The following KCNJ6 variants were observed in gnomAD, a reference collection of about 807,000 sequenced individuals.
The protein encoded by KCNJ6 is G protein-activated inward rectifier potassium channel 2.
Under a neutral mutation model 34.2 loss-of-function variants are expected in KCNJ6, and 9 were observed. The ratio of observed to expected loss-of-function variants is 0.26; its 90% CI spans 0.16 to 0.46. The LOEUF is 0.46. Among genes scored for constraint, KCNJ6 ranks in the 20% least tolerant of loss-of-function variants. The pLI, the probability that KCNJ6 is intolerant of heterozygous loss-of-function variation, is 1.00. For missense variants in KCNJ6, 236 were observed against 531.3 expected (o/e 0.44, Z 5.46); for synonymous variants, 196 against 207.1 (o/e 0.95, Z 0.46).
At chr21:37,899,923 C>T (rs186444177) in intron 1 of KCNJ6, among the ~76,000 whole-genome samples, 7 of 152,306 alleles carry the variant, frequency 4.6e-5, no homozygotes, top group South Asian at 4.1e-4. Flanking sequence ...CTTTACAACT[C>T]GCCCAGTTCG....
chr21:37,868,133 G>A (rs2055632293), intron 1 of KCNJ6, among the ~76,000 whole-genome samples: 1 of 152,218 alleles, frequency 6.6e-6, no homozygotes, highest in Admixed American at 6.5e-5. Flanking sequence ...GTTGCCTCCA[G>A]CACTATGGGG....
intron 2 of KCNJ6, among the ~76,000 whole-genome samples, chr21:37,753,351 C>A (rs973446724): frequency 3.9e-5 from 6 of 152,306 alleles, no homozygotes; most frequent in African/African-American, 7.2e-5. Context: ...CATTTGAAGG[C>A]ATGTCTGCGT....
At chr21:37,674,014 A>G (rs2054553399) in intron 3 of KCNJ6, among the ~76,000 whole-genome samples, 1 of 152,166 alleles carries the variant, frequency 6.6e-6, no homozygotes, top group Non-Finnish European at 1.5e-5. Flanking sequence ...GCATATCCCA[A>G]CCATGTGAAG....
chr21:37,625,081 G>C lies in KCNJ6; in HGVS notation c.*78C>G, dbSNP rs764888021. The C allele has an allele frequency of 6.7e-6, 7 of 1,046,628 alleles. No individual in the cohort carries two copies. Among genetic ancestry groups the C allele is most frequent in the African/African-American group, 1.6e-5 (1 of 62,740 alleles). The allele number at this position is 1,046,628 out of a possible 1,614,324, so 64.8% of individuals were successfully genotyped here. The stretch of plus-strand genomic sequence containing the variant: ...AACAAATAAAGAACAAAGCAAGAGA[G>C]ACAGAAAAAGAAAGAGAATGAGAGA... On this transcript the variant is annotated 3_prime_UTR_variant, in exon 4 of 4. Coordinates refer to ENST00000609713, the MANE Select transcript of KCNJ6 (RefSeq NM_002240.5).
intron 2 of KCNJ6, among the ~76,000 whole-genome samples, chr21:37,755,954 G>T (rs1315825527): frequency 1.3e-5 from 2 of 152,234 alleles, no homozygotes; most frequent in East Asian, 3.8e-4. Context: ...GTCTTTATTC[G>T]GTGGCTCGAA....
At position 37,675,466 on chromosome 21, in the gene KCNJ6, G is replaced by A. The variant is rs963758823; in HGVS notation, c.946+38745C>T. Among the ~76,000 whole-genome samples the A allele has an allele frequency of 9.9e-5, 15 of 152,206 alleles. No individual in the cohort carries two copies. The highest frequency in any genetic ancestry group is 1.3e-4 in the Non-Finnish European group (9 of 68,034). ...TGCGGGTTTCTGGTGCGCTGACCGC[G>A]CTGGGGATGAGCACCACTGTCATCG... On this transcript the variant is annotated intron_variant, in intron 3 of 3. Transcript: ENST00000609713. This position sits in a 1 kb window ranked among gnomAD's most constrained non-coding sequence, Gnocchi z 4.2.
At position 37,877,034 on chromosome 21, in the gene KCNJ6, C is replaced by T. The variant is rs1038801108; in HGVS notation, c.-27-36325G>A. On this transcript the variant is annotated intron_variant, in intron 1 of 3. Transcript: ENST00000609713. ...TACTATGAGTCATGTTCCAAAGTGC[C>T]CTGCCCTTGAGTTGATGTCGAATGG... Among the ~76,000 whole-genome samples, 2 of 152,096 alleles carry T rather than the reference C, an allele frequency of 1.3e-5. 1 individual carries two copies. The highest frequency in any genetic ancestry group is 2.9e-5 in the Non-Finnish European group (2 of 68,030).
intron 2 of KCNJ6, among the ~76,000 whole-genome samples, chr21:37,791,797 A>G (rs2055217994): frequency 6.6e-6 from 1 of 151,906 alleles, no homozygotes; most frequent in African/African-American, 2.4e-5. Context: ...GTTCTTTTTT[A>G]TTGATGCATA....
intron 3 of KCNJ6, among the ~76,000 whole-genome samples, chr21:37,711,932 A>G (rs1028504880): frequency 1.3e-5 from 2 of 152,196 alleles, no homozygotes; most frequent in African/African-American, 2.4e-5. Flanking sequence ...TGAAAGCTGT[A>G]GAAAGGCCAT....
At chr21:37,897,620 T>C (rs991546814) in intron 1 of KCNJ6, among the ~76,000 whole-genome samples, 19 of 152,180 alleles carry the variant, frequency 1.2e-4, no homozygotes, top group Non-Finnish European at 2.4e-4. Flanking sequence ...CTCCCTGGGA[T>C]TGTACTCCAT....
chr21:37,881,706 T>C (rs1194191790), intron 1 of KCNJ6, among the ~76,000 whole-genome samples: 1 of 152,160 alleles, frequency 6.6e-6, no homozygotes, highest in Non-Finnish European at 1.5e-5. Flanking sequence ...CCACCTATCC[T>C]ATTGCCCTCA....
chr21:37,652,477 G>A (rs2054438246), intron 3 of KCNJ6, among the ~76,000 whole-genome samples: 1 of 152,220 alleles, frequency 6.6e-6, no homozygotes, highest in East Asian at 1.9e-4. Context: ...AATTGTGGAA[G>A]CGAAGGAGGG....
intron 2 of KCNJ6, among the ~76,000 whole-genome samples, chr21:37,816,852 C>T (rs1321442055): frequency 1.3e-5 from 2 of 152,110 alleles, no homozygotes; most frequent in African/African-American, 2.4e-5. Flanking sequence ...GAGAAGCAAG[C>T]CCCCCGTCCC....
intron 2 of KCNJ6, 26 bp downstream of exon 2, chr21:37,840,632 T>C: frequency 1.9e-6 from 3 of 1,556,294 alleles, no homozygotes; most frequent in Non-Finnish European, 1.8e-6. Flanking sequence ...AAACAAAAAA[T>C]AAATAATAAA....
At chr21:37,703,492 G>C (rs1299376423) in intron 3 of KCNJ6, among the ~76,000 whole-genome samples, 2 of 152,152 alleles carry the variant, frequency 1.3e-5, no homozygotes, top group African/African-American at 2.4e-5. Flanking sequence ...TGAAGAGAGG[G>C]AAGAAAGTAG....
intron 2 of KCNJ6, among the ~76,000 whole-genome samples, chr21:37,808,641 C>A (rs1227882212): frequency 6.6e-6 from 1 of 152,198 alleles, no homozygotes; most frequent in Non-Finnish European, 1.5e-5. Flanking sequence ...CAGAAAGATT[C>A]ATTTTCAAGG....
At chr21:37,760,051 C>T (rs942574514) in intron 2 of KCNJ6, among the ~76,000 whole-genome samples, 3 of 152,214 alleles carry the variant, frequency 2.0e-5, no homozygotes, top group Admixed American at 6.5e-5. Context: ...TCGCCAGCCA[C>T]GGCTACGAGC....
chr21:37,762,064 G>A (rs1315236137), intron 2 of KCNJ6, among the ~76,000 whole-genome samples: 1 of 152,172 alleles, frequency 6.6e-6, no homozygotes, highest in Non-Finnish European at 1.5e-5. Context: ...TCTGTCAGCT[G>A]TTTGCTGCTC....
chr21:37,677,916 T>C (rs1709825), intron 3 of KCNJ6, among the ~76,000 whole-genome samples: 25,292 of 149,806 alleles, frequency 0.17, 2,257 homozygotes, highest in East Asian at 0.4. Flanking sequence ...CAACAATCCA[T>C]TCATCCATCC....
Sources: gnomAD v4.1 joint callset for allele counts (sites outside exome capture counted in the v4.1 genomes callset) on GRCh38, gnomAD v4.1.1 for gene constraint, Gnocchi (gnomAD v3.1) non-coding constraint, MANE v1.5 for transcripts, NCBI Gene and HGNC (gene_info 2026-07-23, HGNC 2026-07-21) for gene names.